Variants in C1orf146 observed in about 807,000 individuals in gnomAD.
C1orf146 encodes the protein protein SPO16 homolog.
Under a neutral mutation model 23.0 loss-of-function variants are expected in C1orf146, and 22 were observed. That is an observed-to-expected ratio of 0.96 (90% CI 0.68 to 1.36). The LOEUF (loss-of-function observed/expected upper bound fraction) is 1.36. C1orf146 is among the 40% of genes most tolerant of loss of function. The pLI is 0.00. For missense variants in C1orf146, 199 were observed against 206.8 expected, an observed-to-expected ratio of 0.96 and a Z score of 0.23; for synonymous variants, 59 against 65.3, an observed-to-expected ratio of 0.90 and a Z score of 0.47.
chr1:92,233,763 G>A (rs1189685296), intron 2 of C1orf146, among the ~76,000 whole-genome samples: 1 of 152,144 alleles, frequency 6.6e-6, no homozygotes, highest in Non-Finnish European at 1.5e-5. Flanking sequence ...TCTTCCATTT[G>A]TTTGTATCTT....
intron 1 of C1orf146, among the ~76,000 whole-genome samples, chr1:92,228,774 T>G (rs576527299): frequency 1.3e-5 from 2 of 152,282 alleles, no homozygotes; most frequent in East Asian, 1.9e-4. Flanking sequence ...AAATCAAAGA[T>G]ATGTACAGGG....
chr1:92,226,008 A>T (rs1163067783), intron 1 of C1orf146, among the ~76,000 whole-genome samples: 1 of 152,222 alleles, frequency 6.6e-6, no homozygotes, highest in East Asian at 1.9e-4. Flanking sequence ...GCTATTTAAA[A>T]AATTTTTAAA....
intron 3 of C1orf146, 130 bp from the exon 4 acceptor site, chr1:92,244,087 T>G: frequency 1.6e-6 from 1 of 613,020 alleles, no homozygotes; most frequent in Non-Finnish European, 2.9e-6. Flanking sequence ...ATTATAGTAC[T>G]TTCTATTCCT....
At chr1:92,222,889 C>T (rs984944106) in intron 1 of C1orf146, among the ~76,000 whole-genome samples, 7 of 151,848 alleles carry the variant, frequency 4.6e-5, no homozygotes, top group African/African-American at 9.7e-5. Flanking sequence ...CCTGGCCTAT[C>T]GTTTGTATTT....
chr1:92,234,610 A>T (rs1282757786), intron 2 of C1orf146, among the ~76,000 whole-genome samples: 3 of 152,328 alleles, frequency 2.0e-5, no homozygotes, highest in Admixed American at 1.3e-4. Context: ...TGGTATCAGG[A>T]TGATGCTGGC....
chr1:92,229,048 A>G (rs910275574), intron 1 of C1orf146: 127 of 487,118 alleles, frequency 2.6e-4, no homozygotes, highest in Non-Finnish European at 3.5e-4. Flanking sequence ...GAGGGGCCCA[A>G]CTTGTCATAC....
At chr1:92,243,083 A>G (rs1303916988) in intron 3 of C1orf146, among the ~76,000 whole-genome samples, 1 of 152,204 alleles carries the variant, frequency 6.6e-6, no homozygotes, top group Non-Finnish European at 1.5e-5. Flanking sequence ...TGGCTACTTC[A>G]TATACGTGAT....
chr1:92,235,642 T>C (rs1412655048), intron 2 of C1orf146, among the ~76,000 whole-genome samples: 3 of 152,184 alleles, frequency 2.0e-5, no homozygotes, highest in East Asian at 1.9e-4. Flanking sequence ...GGTGTAGAGC[T>C]GAGTTCAATT....
At chr1:92,232,980 T>C (rs1252883255) in intron 2 of C1orf146, among the ~76,000 whole-genome samples, 1 of 152,204 alleles carries the variant, frequency 6.6e-6, no homozygotes, top group Non-Finnish European at 1.5e-5. Context: ...TGTAGATTTG[T>C]TTGAGTTCAT....
At chr1:92,218,920 A>G (rs2100721922) in intron 1 of C1orf146, among the ~76,000 whole-genome samples, 1 of 152,250 alleles carries the variant, frequency 6.6e-6, no homozygotes, top group East Asian at 1.9e-4. Context: ...TTTCTGATTC[A>G]TTCCTCACCT....
At chr1:92,236,526 C>G (rs1453219695) in intron 2 of C1orf146, among the ~76,000 whole-genome samples, 3 of 152,196 alleles carry the variant, frequency 2.0e-5, no homozygotes, top group Admixed American at 2.0e-4. Flanking sequence ...ACCTTTCTCT[C>G]TGGCTGCCCT....
In C1orf146 at chr1:92,244,217, G is replaced by C; in HGVS notation, c.161G>C (p.Gly54Ala). ...TTTATATTCAATTCACCTTTCCTAG[G>C]AGTTGCATTTTTATTAATGGATACT... is the stretch of plus-strand genomic sequence containing the variant. ...ENGSIIFSLS[G>A]VAFLLMDTKE... is the part of the protein sequence containing the mutation. Residue 54 changes from glycine to alanine, a missense_variant and splice_region_variant, in exon 4 of 6, where the codon GGA (glycine) becomes GCA (alanine). Transcript: ENST00000370375. The C allele has an allele frequency of 6.3e-7, 1 of 1,576,884 alleles. No homozygotes were observed. Among genetic ancestry groups the C allele is most frequent in the Non-Finnish European group, 8.6e-7 (1 of 1,157,666 alleles).
At chr1:92,232,407 C>G (rs539954818) in intron 2 of C1orf146, among the ~76,000 whole-genome samples, 135 of 152,140 alleles carry the variant, frequency 8.9e-4, no homozygotes, top group Non-Finnish European at 1.2e-3. Context: ...ATGGTTTCCA[C>G]CTTCATCCAT....
chr1:92,233,467 A>G (rs1046200541), intron 2 of C1orf146, among the ~76,000 whole-genome samples: 1 of 152,088 alleles, frequency 6.6e-6, no homozygotes, highest in African/African-American at 2.4e-5. Flanking sequence ...CCGTTGATCT[A>G]TATCTCTGTT....
intron 1 of C1orf146, among the ~76,000 whole-genome samples, chr1:92,219,496 CTTTTT>C (rs71091269): frequency 2.8e-4 from 23 of 81,174 alleles, no homozygotes; most frequent in South Asian, 1.6e-3. Context: ...CTTTCTCTTT[CTTTTT>C]TTTTTTTTTT....
At position 92,245,622 on chromosome 1, in the gene C1orf146, G is replaced by A; in HGVS notation, c.491G>A (p.Trp164Ter). ...KAYIIEQSPVWKTLQKIKLNS... is the reference protein window; with the variant it reads ...KAYIIEQSPV ...TACATCATTGAGCAAAGTCCTGTTT[G>A]GAAAACACTTCAGAAGATAAAACTG... Residue 164 changes from tryptophan (W) to a stop codon, truncating the protein, a stop_gained, in exon 6 of 6, where the codon TGG becomes TAG. Transcript: ENST00000370375. LOFTEE classifies it high-confidence loss of function. The A allele has an allele frequency of 1.3e-6, 2 of 1,598,490 alleles. No homozygotes were observed. The highest frequency in any genetic ancestry group is 1.7e-6 in the Non-Finnish European group (2 of 1,174,130).
intron 1 of C1orf146, 120 bp from the exon 2 acceptor site, chr1:92,231,262 T>C (rs1056805681): frequency 1.8e-6 from 1 of 546,992 alleles, no homozygotes; most frequent in African/African-American, 2.0e-5. Context: ...TTTTCTGTTG[T>C]CAAATTTTGA....
At chr1:92,220,481 G>A (rs1325272138) in intron 1 of C1orf146, among the ~76,000 whole-genome samples, 1 of 152,046 alleles carries the variant, frequency 6.6e-6, no homozygotes, top group East Asian at 1.9e-4. Flanking sequence ...TAGGCTATAT[G>A]GTATAGCCTA....
intron 2 of C1orf146, among the ~76,000 whole-genome samples, chr1:92,235,307 G>T (rs914578076): frequency 9.9e-5 from 15 of 152,054 alleles, no homozygotes; most frequent in African/African-American, 3.1e-4. Context: ...CTGGTATGTT[G>T]CGTCTTTGTT....
Sources: gnomAD v4.1 joint callset for allele counts (sites outside exome capture counted in the v4.1 genomes callset) on GRCh38, gnomAD v4.1.1 for gene constraint, MANE v1.5 for transcripts, NCBI Gene and HGNC (gene_info 2026-07-23, HGNC 2026-07-21) for gene names.